Variants in ZNF280D observed in about 807,000 individuals in gnomAD.
ZNF280D encodes zinc finger protein 280D.
Under a neutral mutation model 94.7 loss-of-function variants are expected in ZNF280D, and 39 were observed. The ratio of observed to expected loss-of-function variants is 0.41; its 90% CI spans 0.32 to 0.54. The LOEUF (loss-of-function observed/expected upper bound fraction) is 0.54, where lower values mean the gene tolerates loss of function less well. Among genes scored for constraint, ZNF280D ranks in the 20% least tolerant of loss-of-function variants. The pLI, the probability that ZNF280D is intolerant of heterozygous loss-of-function variation, is 0.22. For missense variants in ZNF280D, 1,090 were observed against 1,149.3 expected (o/e 0.95, Z 0.75); for synonymous variants, 398 against 377.6 (o/e 1.05, Z -0.63).
chr15:56,659,591 G>A (rs996725503), intron 16 of ZNF280D, among the ~76,000 whole-genome samples: 12 of 151,756 alleles, frequency 7.9e-5, no homozygotes, highest in Non-Finnish European at 8.8e-5. Flanking sequence ...AAAAAGTATA[G>A]TACACATAGA....
At chr15:56,688,909 A>C (rs2056240826) in intron 9 of ZNF280D, 132 bp downstream of exon 9, 1 of 542,340 alleles carries the variant, frequency 1.8e-6, no homozygotes, top group Non-Finnish European at 3.1e-6. Flanking sequence ...ATCATTATGA[A>C]TGTAAATTTT....
At chr15:56,659,016 C>T (rs2053732643) in intron 16 of ZNF280D, among the ~76,000 whole-genome samples, 1 of 151,708 alleles carries the variant, frequency 6.6e-6, no homozygotes. Flanking sequence ...CTTGTAATTA[C>T]TAGTAGACTT....
chr15:56,695,380 C>T (rs2056683767), intron 6 of ZNF280D, among the ~76,000 whole-genome samples: 1 of 151,842 alleles, frequency 6.6e-6, no homozygotes, highest in Non-Finnish European at 1.5e-5. Context: ...GCCGGTTCAC[C>T]CCCTTTTATC....
intron 7 of ZNF280D, among the ~76,000 whole-genome samples, 193 bp from the exon 8 acceptor site, chr15:56,689,663 T>A (rs894588176): frequency 6.6e-6 from 1 of 152,004 alleles, no homozygotes; most frequent in African/African-American, 2.4e-5. Context: ...ATGGACTACA[T>A]ACATTTAAAT....
chr15:56,655,053 G>A (rs1339650390), intron 17 of ZNF280D, among the ~76,000 whole-genome samples: 1 of 152,140 alleles, frequency 6.6e-6, no homozygotes, highest in Non-Finnish European at 1.5e-5. Flanking sequence ...TCACGTTTTA[G>A]CCACCATCGA....
At chr15:56,643,696 C>T (rs1179890479) in intron 19 of ZNF280D, among the ~76,000 whole-genome samples, 1 of 151,752 alleles carries the variant, frequency 6.6e-6, no homozygotes, top group Non-Finnish European at 1.5e-5. Flanking sequence ...GTTTTAGAAG[C>T]TGCAGAAATG....
At chr15:56,661,336 A>T (rs2053930342) in intron 16 of ZNF280D, among the ~76,000 whole-genome samples, 1 of 152,172 alleles carries the variant, frequency 6.6e-6, no homozygotes, top group African/African-American at 2.4e-5. Context: ...TCATTCTATC[A>T]ATGTTAGGAA....
At chr15:56,705,725 T>A (rs1172192647) in intron 3 of ZNF280D, among the ~76,000 whole-genome samples, 1 of 152,126 alleles carries the variant, frequency 6.6e-6, no homozygotes, top group African/African-American at 2.4e-5. Flanking sequence ...ATAATCAATA[T>A]CATGCAATTC....
At chr15:56,688,365 C>T (rs1289311202) in intron 9 of ZNF280D, among the ~76,000 whole-genome samples, 5 of 151,876 alleles carry the variant, frequency 3.3e-5, no homozygotes, top group African/African-American at 1.2e-4. Flanking sequence ...GTGGCGGGCG[C>T]CTGTAGTCCC....
intron 9 of ZNF280D, among the ~76,000 whole-genome samples, chr15:56,683,204 T>C (rs1432380784): frequency 2.6e-5 from 4 of 152,092 alleles, no homozygotes; most frequent in Admixed American, 1.3e-4. Context: ...CATATCTCTA[T>C]AAAAGAGCTG....
intron 7 of ZNF280D, among the ~76,000 whole-genome samples, chr15:56,690,452 T>C (rs1212616447): frequency 6.6e-6 from 1 of 152,058 alleles, no homozygotes; most frequent in Non-Finnish European, 1.5e-5. Context: ...ATAATGGAAG[T>C]AGTAAGTATA....
rs560791886 is a variant in ZNF280D at position 56,693,336 on chromosome 15, A to G, written c.382-121T>C. ...AGAATTTTATTTCATAGACATTTAT[A>G]AAAGTAAATTGTATGCCCAATATTC... On this transcript the variant is annotated intron_variant, in intron 6 of 21. Coordinates refer to ENST00000267807, the MANE Select transcript of ZNF280D (RefSeq NM_017661.4). 2.5e-4 allele frequency: 65 copies of G among 257,598 alleles called. No individual in the cohort carries two copies. The South Asian group carries it at 7.5e-3, about 30-fold the overall frequency. 16.0% of individuals were successfully genotyped at this position (257,598 alleles called of 1,614,324 possible).
chr15:56,696,047 T>C (rs1161743604), intron 6 of ZNF280D, among the ~76,000 whole-genome samples: 1 of 152,228 alleles, frequency 6.6e-6, no homozygotes, highest in East Asian at 1.9e-4. Context: ...AACTTTTCTA[T>C]TGACATGGGT....
intron 9 of ZNF280D, among the ~76,000 whole-genome samples, chr15:56,684,689 TAAAGG>T (rs1478754123): frequency 6.8e-6 from 1 of 147,898 alleles, no homozygotes; most frequent in African/African-American, 2.5e-5. Context: ...GCAAATAAAA[TAAAGG>T]AAACATATTA....
intron 1 of ZNF280D, among the ~76,000 whole-genome samples, chr15:56,709,243 C>T (rs1219112006): frequency 6.2e-4 from 95 of 152,274 alleles, no homozygotes; most frequent in African/African-American, 2.1e-3. Flanking sequence ...ATGCAGCCAA[C>T]AGACACATGA....
At chr15:56,715,549 T>A (rs1465121840) in intron 1 of ZNF280D, among the ~76,000 whole-genome samples, 1 of 152,118 alleles carries the variant, frequency 6.6e-6, no homozygotes, top group Non-Finnish European at 1.5e-5. Context: ...ATTCAATTTA[T>A]GCATGAGTAG....
chr15:56,704,284 G>A lies in ZNF280D; in HGVS notation c.29-17C>T. On this transcript the variant is annotated splice_polypyrimidine_tract_variant and intron_variant, in intron 3 of 21. Transcript: ENST00000267807. ...TTGAATTACCTAATTTTCAAAAGGA[G>A]AGAAGTAAACCTCATTTTTGAAAAT... 6.3e-7 allele frequency: 1 copy of A among 1,597,328 alleles called. No homozygotes were observed. The highest frequency in any genetic ancestry group is 8.5e-7 in the Non-Finnish European group (1 of 1,174,726).
chr15:56,691,426 TA>T (rs2056415627), intron 7 of ZNF280D, among the ~76,000 whole-genome samples: 1 of 152,228 alleles, frequency 6.6e-6, no homozygotes, highest in African/African-American at 2.4e-5. Context: ...AATTCTGAAT[TA>T]AGCATCTGAT....
intron 17 of ZNF280D, among the ~76,000 whole-genome samples, chr15:56,656,619 C>T (rs1232124295): frequency 1.3e-5 from 2 of 152,030 alleles, no homozygotes; most frequent in Non-Finnish European, 2.9e-5. Context: ...ATTTTCTCTC[C>T]CTGTGAGCTA....
Sources: gnomAD v4.1 joint callset for allele counts (sites outside exome capture counted in the v4.1 genomes callset) on GRCh38, gnomAD v4.1.1 for gene constraint, MANE v1.5 for transcripts, NCBI Gene and HGNC (gene_info 2026-07-23, HGNC 2026-07-21) for gene names.